RELL1: variants seen among roughly 807,000 people sequenced by gnomAD.
The protein encoded by RELL1 is RELT-like protein 1.
In RELL1, 10 loss-of-function variants were observed where a neutral mutation model predicts 23.0. The observed-to-expected ratio is 0.43, with a 90% CI of 0.27 to 0.74. RELL1 has a LOEUF of 0.74. RELL1 is among the 30% of genes least tolerant of loss of function. The pLI is 0.19. For synonymous variants in RELL1, 146 were observed against 146.8 expected, an observed-to-expected ratio of 0.99 and a Z score of 0.04; for missense variants, 315 against 364.4, an observed-to-expected ratio of 0.86 and a Z score of 1.10.
At chr4:37,596,726 ATATATATATATTTTTTTTTTT>A (rs1328619928) in intron 6 of RELL1, among the ~76,000 whole-genome samples, 2 of 13,118 alleles carry the variant, frequency 1.5e-4, no homozygotes, top group African/African-American at 3.9e-4. Flanking sequence ...ATATATATAT[ATATATATATATTTTTTTTTTT>A]TTTTTTTTTT....
intron 6 of RELL1, among the ~76,000 whole-genome samples, chr4:37,593,678 A>C (rs1718724903): frequency 6.6e-6 from 1 of 152,196 alleles, no homozygotes; most frequent in Non-Finnish European, 1.5e-5. Flanking sequence ...GCAGTTACTA[A>C]GAAGGGGAAA....
chr4:37,588,720 A>T (rs559003397), downstream of RELL1: 15 of 664,086 alleles, frequency 2.3e-5, no homozygotes, highest in Admixed American at 4.9e-5. Context: ...CGTGGTAGTT[A>T]TCCTTTTGCC....
chr4:37,652,207 G>C (rs747860445), intron 1 of RELL1, among the ~76,000 whole-genome samples: 1 of 152,138 alleles, frequency 6.6e-6, no homozygotes, highest in Admixed American at 6.5e-5. Flanking sequence ...CCTCTCTTTC[G>C]CATGGAAATA....
intron 3 of RELL1, among the ~76,000 whole-genome samples, chr4:37,644,438 T>TTATTTA (rs139479970): frequency 9.4e-5 from 13 of 137,810 alleles, no homozygotes; most frequent in African/African-American, 3.0e-4. Context: ...TTATTTTTAT[T>TTATTTA]TTTATTTATT....
intron 1 of RELL1, among the ~76,000 whole-genome samples, chr4:37,678,891 G>A (rs1359377196): frequency 6.6e-6 from 1 of 152,176 alleles, no homozygotes; most frequent in Non-Finnish European, 1.5e-5. Flanking sequence ...ATCCACAAGA[G>A]TGCACAAACA....
chr4:37,656,753 G>A (rs569796582), intron 1 of RELL1, among the ~76,000 whole-genome samples: 2 of 152,310 alleles, frequency 1.3e-5, no homozygotes, highest in South Asian at 2.1e-4. Context: ...TTATAAAAGC[G>A]AGTTCAGCTT....
Position 37,642,026 on chromosome 4 carries a change from C to G in RELL1, c.386-3522G>C, listed in dbSNP as rs1720547316. Among the ~76,000 whole-genome samples, 4 of 152,294 alleles carry G rather than the reference C, an allele frequency of 2.6e-5. No homozygotes were observed. The South Asian group carries it at 6.2e-4, about 24-fold the overall frequency. On this transcript the variant is annotated intron_variant, in intron 3 of 6. Coordinates refer to ENST00000454158, the MANE Select transcript of RELL1 (RefSeq NM_001085400.2). ...TGGACACAAACCCTGGTCTGTCTGA[C>G]TCCAGGGTGGGTGCTTTTAACCCTG...
At chr4:37,673,317 G>GT (rs1223460870) in intron 1 of RELL1, among the ~76,000 whole-genome samples, 1 of 143,738 alleles carries the variant, frequency 7.0e-6, no homozygotes, top group Admixed American at 7.4e-5. Flanking sequence ...AACCTCCTGA[G>GT]TAGCTGGGAT....
At chr4:37,651,606 G>C (rs1260704104) in intron 1 of RELL1, among the ~76,000 whole-genome samples, 1 of 152,164 alleles carries the variant, frequency 6.6e-6, no homozygotes, top group Admixed American at 6.5e-5. Context: ...TTGGGTCCCT[G>C]GTGAAACCCC....
rs1026053076 is a variant in RELL1, at chr4:37,669,841, A to G, written c.88+16359T>C. Among the ~76,000 whole-genome samples the G allele has an allele frequency of 4.6e-5, 7 of 151,748 alleles. No homozygotes were observed. The East Asian group carries it at 1.2e-3, about 25-fold the overall frequency. On this transcript the variant is annotated intron_variant, in intron 1 of 6. Transcript: ENST00000454158. ...TGTTAAACAGACGCTTGAAGGCAGC[A>G]TGCTCGTTAAGAGTCATCACCACTC...
At chr4:37,670,030 T>C (rs1394751161) in intron 1 of RELL1, among the ~76,000 whole-genome samples, 3 of 105,958 alleles carry the variant, frequency 2.8e-5, no homozygotes, top group African/African-American at 1.1e-4. Context: ...CCAAGAATGA[T>C]CAATAAAAAA....
At chr4:37,629,783 C>T (rs780439428) in intron 6 of RELL1, among the ~76,000 whole-genome samples, 24 of 152,254 alleles carry the variant, frequency 1.6e-4, no homozygotes, top group African/African-American at 2.4e-4. Flanking sequence ...CCTCTGAGCC[C>T]GGCAGATTAT....
At chr4:37,634,000 C>T (rs1490679435) in intron 5 of RELL1, among the ~76,000 whole-genome samples, 5 of 152,218 alleles carry the variant, frequency 3.3e-5, no homozygotes, top group Admixed American at 1.3e-4. Flanking sequence ...GGTCTCACTC[C>T]AGCATGTGTG....
In RELL1 at chr4:37,634,957, T is replaced by G. The variant is rs1300144946; in HGVS notation, c.610A>C (p.Lys204Gln). The G allele has an allele frequency of 6.2e-7, 1 of 1,614,236 alleles. No individual in the cohort carries two copies. Among genetic ancestry groups the G allele is most frequent in the Non-Finnish European group, 8.5e-7 (1 of 1,180,058 alleles). Residue 204 changes from lysine (K) to glutamine (Q), a missense_variant, in exon 5 of 7, where the codon AAG becomes CAG. By Grantham distance (53) the Lys-to-Gln change is moderately conservative. Coordinates refer to ENST00000454158, the MANE Select transcript of RELL1 (RefSeq NM_001085400.2). ...CTCTCTCTGGACTTGTTAGTGGGCT[T>G]TATAAAGTGCCACCGCTTGTGCCTA... Reference protein sequence around the residue: ...RCRHKRWHFIKPTNKSRESRP... With the variant: ...RCRHKRWHFIQPTNKSRESRP...
chr4:37,610,388 G>A (rs1435138683), downstream of RELL1, among the ~76,000 whole-genome samples: 1 of 152,094 alleles, frequency 6.6e-6, no homozygotes, highest in Non-Finnish European at 1.5e-5. The surrounding 1 kb of genome is among the most constrained non-coding windows in gnomAD (Gnocchi z 4.1). Flanking sequence ...TGGCTTGATT[G>A]CAATATTTGC....
intron 1 of RELL1, among the ~76,000 whole-genome samples, chr4:37,677,327 G>A (rs1207015782): frequency 6.6e-6 from 1 of 152,210 alleles, no homozygotes; most frequent in Non-Finnish European, 1.5e-5. Flanking sequence ...TCCTGGCTGT[G>A]CCAGCTCAGT....
intron 6 of RELL1, among the ~76,000 whole-genome samples, chr4:37,618,808 G>A (rs1719663956): frequency 6.6e-6 from 1 of 152,164 alleles, no homozygotes; most frequent in Admixed American, 6.5e-5. Context: ...CTCCTGCTTT[G>A]GTGTGGGATA....
intron 1 of RELL1, among the ~76,000 whole-genome samples, chr4:37,682,902 CTG>C (rs1304640814): frequency 1.3e-5 from 2 of 152,184 alleles, no homozygotes; most frequent in Non-Finnish European, 2.9e-5. Context: ...TGCCCACTGT[CTG>C]AGAGAGAAAC....
At chr4:37,608,630 A>G (rs143795375), downstream of RELL1, among the ~76,000 whole-genome samples, 33 of 150,676 alleles carry the variant, frequency 2.2e-4, no homozygotes, top group Non-Finnish European at 3.8e-4. Flanking sequence ...GTTGGTTCAT[A>G]AGATTTTTAA....
Sources: gnomAD v4.1 joint callset for allele counts (sites outside exome capture counted in the v4.1 genomes callset) on GRCh38, gnomAD v4.1.1 for gene constraint, Gnocchi (gnomAD v3.1) non-coding constraint, MANE v1.5 for transcripts, NCBI Gene and HGNC (gene_info 2026-07-23, HGNC 2026-07-21) for gene names.